Variants in DYNC2H1 observed in about 807,000 individuals in gnomAD.
The protein encoded by DYNC2H1 is dynein cytoplasmic 2 heavy chain 1, also known as cytoplasmic dynein 2 heavy chain 1.
Under a neutral mutation model 570.0 loss-of-function variants are expected in DYNC2H1, and 410 were observed. That is an observed-to-expected ratio of 0.72 (90% CI 0.66 to 0.78). The LOEUF is 0.78. Ranked by LOEUF, DYNC2H1 falls within the 30% of genes least tolerant of loss-of-function variation. The pLI is 0.00. For synonymous variants in DYNC2H1, 1,688 were observed against 1,677.6 expected, an observed-to-expected ratio of 1.01 and a Z score of -0.15; for missense variants, 4,865 against 5,046.4, an observed-to-expected ratio of 0.96 and a Z score of 1.09.
In DYNC2H1 at chr11:103,243,298, TA is replaced by T. The variant is rs1285594674; in HGVS notation, c.9820-394del. Reference sequence around the variant, plus strand: ...ATAGATAGATAGATAGATAGATAGATAGATAGATAAATAGAGAATAATTTGA... The same window carrying T: ...ATAGATAGATAGATAGATAGATAGATGATAGATAAATAGAGAATAATTTGA... On this transcript the variant is annotated intron_variant, in intron 63 of 88. Coordinates refer to ENST00000375735, the MANE Select transcript of DYNC2H1 (RefSeq NM_001377.3). The surrounding 1 kb of genome is among the most constrained non-coding windows in gnomAD (Gnocchi z 4.8). Among the ~76,000 whole-genome samples, 1 of 79,626 alleles carries T rather than the reference TA, an allele frequency of 1.3e-5. No homozygotes were observed. The highest frequency in any genetic ancestry group is 5.1e-5 in the African/African-American group (1 of 19,526). 52.2% of individuals were successfully genotyped at this position (79,626 alleles called of 152,430 possible).
At position 103,155,040 on chromosome 11, in the gene DYNC2H1, A is replaced by G. The variant is rs570637815; in HGVS notation, c.3573+231A>G. Among the ~76,000 whole-genome samples the G allele has an allele frequency of 1.3e-3, 192 of 152,226 alleles. 2 individuals are homozygous for G. The highest frequency in any genetic ancestry group is 4.3e-3 in the African/African-American group (178 of 41,564). On this transcript the variant is annotated intron_variant, in intron 24 of 88. Coordinates refer to ENST00000375735, the MANE Select transcript of DYNC2H1 (RefSeq NM_001377.3). ...AAGTTAAAAAACAGAGTGCTTATAC[A>G]TTCCAGTCCATCATGGGTCCTATCC...
At chr11:103,226,502 TGTGGTGTATCACATTTATC>T (rs1465456013) in intron 59 of DYNC2H1, among the ~76,000 whole-genome samples, 1 of 152,248 alleles carries the variant, frequency 6.6e-6, no homozygotes, top group Non-Finnish European at 1.5e-5. Context: ...ATTCTGTTTA[TGTGGTGTATCACATTTATC>T]GACTTAACGT....
chr11:103,470,621 T>G (rs1945346586), intron 88 of DYNC2H1, among the ~76,000 whole-genome samples: 2 of 152,192 alleles, frequency 1.3e-5, no homozygotes, highest in African/African-American at 4.8e-5. Flanking sequence ...TGTGTCCATG[T>G]GTTCTCATTG....
chr11:103,317,869 C>T lies in DYNC2H1; in HGVS notation c.11725+1249C>T, dbSNP rs1030923083. Among the ~76,000 whole-genome samples the T allele has an allele frequency of 3.4e-5, 5 of 146,210 alleles. No homozygotes were observed. The East Asian group carries it at 6.1e-4, about 18-fold the overall frequency. ...TTGTCTTAATACATTAGTACTACCT[C>T]GATATCTTCTTGTTTATTCATTTAT... On this transcript the variant is annotated intron_variant, in intron 80 of 88. Coordinates refer to ENST00000375735, the MANE Select transcript of DYNC2H1 (RefSeq NM_001377.3).
chr11:103,232,478 A>C (rs1591447139), intron 60 of DYNC2H1, among the ~76,000 whole-genome samples: 1 of 151,940 alleles, frequency 6.6e-6, no homozygotes, highest in East Asian at 1.9e-4. Context: ...ATTAACTTTT[A>C]ATTTTAAATA....
At chr11:103,343,978 G>T (rs1411084022) in intron 82 of DYNC2H1, among the ~76,000 whole-genome samples, 1 of 152,154 alleles carries the variant, frequency 6.6e-6, no homozygotes, top group Non-Finnish European at 1.5e-5. Flanking sequence ...TCAGGGAAAT[G>T]ATAAAGTACA....
At position 103,283,847 on chromosome 11, in the gene DYNC2H1, A is replaced by G. The variant is rs566037832; in HGVS notation, c.10890+762A>G. On this transcript the variant is annotated intron_variant, in intron 73 of 88. Coordinates refer to ENST00000375735, the MANE Select transcript of DYNC2H1 (RefSeq NM_001377.3). The stretch of plus-strand genomic sequence containing the variant: ...TTGGTTGAGTAAAAGAAATGAAAAA[A>G]AGGGGGGGGAATTCTGCTATATATC... Among the ~76,000 whole-genome samples the G allele has an allele frequency of 1.7e-3, 252 of 152,170 alleles. 2 individuals are homozygous for G. The highest frequency in any genetic ancestry group is 5.7e-3 in the African/African-American group (235 of 41,548).
At chr11:103,415,187 A>ATGTT (rs1302704073) in intron 84 of DYNC2H1, among the ~76,000 whole-genome samples, 5 of 152,326 alleles carry the variant, frequency 3.3e-5, no homozygotes, top group East Asian at 1.9e-4. Flanking sequence ...AAAGACTTAA[A>ATGTT]TGTTAGACCT....
chr11:103,267,762 G>A (rs1201483764), intron 70 of DYNC2H1, among the ~76,000 whole-genome samples: 1 of 151,874 alleles, frequency 6.6e-6, no homozygotes, highest in Non-Finnish European at 1.5e-5. Flanking sequence ...TTCAAGGTTT[G>A]ATTTGTTCCT....
chr11:103,428,974 A>C (rs1021031978), intron 84 of DYNC2H1, among the ~76,000 whole-genome samples: 1 of 152,072 alleles, frequency 6.6e-6, no homozygotes, highest in African/African-American at 2.4e-5. Flanking sequence ...TAATTGAAAA[A>C]ATCTGGCTGG....
In DYNC2H1 at chr11:103,193,129, A is replaced by G. The variant is rs370579850; in HGVS notation, c.7708+865A>G. Among the ~76,000 whole-genome samples the G allele has an allele frequency of 1.6e-4, 24 of 152,278 alleles. No homozygotes were observed. The South Asian group carries it at 4.6e-3, about 29-fold the overall frequency. On this transcript the variant is annotated intron_variant, in intron 47 of 88. Coordinates refer to ENST00000375735, the MANE Select transcript of DYNC2H1 (RefSeq NM_001377.3). The stretch of plus-strand genomic sequence containing the variant: ...AAAGATGTTTAGATTGACAGAAAGA[A>G]TTTTCTAGGTGCTCCTGAGTTTTTG...
At chr11:103,303,352 T>A in intron 76 of DYNC2H1, 99 bp downstream of exon 76, 1 of 1,303,488 alleles carries the variant, frequency 7.7e-7, no homozygotes, top group Non-Finnish European at 1.1e-6. Context: ...ATAAGCCAAA[T>A]AATGCCCCCA....
chr11:103,247,589 A>G (rs1264444730), intron 65 of DYNC2H1, among the ~76,000 whole-genome samples: 1 of 152,084 alleles, frequency 6.6e-6, no homozygotes, highest in East Asian at 1.9e-4. Context: ...TGCTAGAGAC[A>G]TCTTAAAATG....
chr11:103,160,228 A>G (rs1171256846), intron 28 of DYNC2H1, among the ~76,000 whole-genome samples: 3 of 152,126 alleles, frequency 2.0e-5, no homozygotes, highest in Non-Finnish European at 4.4e-5. Context: ...GAAGATCAAA[A>G]TGACATAATA....
chr11:103,211,880 T>G lies in DYNC2H1; in HGVS notation c.8631T>G (p.His2877Gln). The G allele has an allele frequency of 1.3e-6, 2 of 1,536,574 alleles. No homozygotes were observed. The highest frequency in any genetic ancestry group is 1.8e-6 in the Non-Finnish European group (2 of 1,138,434). ...CAAGCCGATACATGACCTTTTTACA[T>G]GTGTATTCTGCCATTAGTAGTAGCA... Reference protein sequence around the residue: ...ATPSRYMTFLHVYSAISSSKK... With the variant: ...ATPSRYMTFLQVYSAISSSKK... The change falls in exon 54 of 89, where the codon CAT becomes CAG. Residue 2877 changes from histidine (H) to glutamine (Q), a missense_variant. His to Gln is a conservative substitution (Grantham distance 24, BLOSUM62 0). Coordinates refer to ENST00000375735, the MANE Select transcript of DYNC2H1 (RefSeq NM_001377.3).
At chr11:103,296,634 G>C (rs544395141) in intron 75 of DYNC2H1, among the ~76,000 whole-genome samples, 37 of 152,154 alleles carry the variant, frequency 2.4e-4, no homozygotes, top group African/African-American at 8.4e-4. Context: ...GACTGTGAAT[G>C]AATGTCTTTG....
chr11:103,176,524 C>T, intron 37 of DYNC2H1, 90 bp downstream of exon 37: 1 of 1,070,766 alleles, frequency 9.3e-7, no homozygotes, highest in Non-Finnish European at 1.2e-6. Context: ...TTCAACTTAT[C>T]TTTTATCTTT....
intron 81 of DYNC2H1, among the ~76,000 whole-genome samples, chr11:103,323,415 G>A (rs544202819): frequency 7.2e-4 from 76 of 105,994 alleles, no homozygotes; most frequent in African/African-American, 1.9e-3. Flanking sequence ...GCTTCTACAC[G>A]TTTACAAGGT....
rs1865935321 is a variant in DYNC2H1 at position 103,277,016 on chromosome 11, C to T, written c.10696-3332C>T. ...ACCAGGTATTTTATAAAGTACTTGG[C>T]CTTACAATTCTTATTTTAACATATG... On this transcript the variant is annotated intron_variant, in intron 70 of 88. Coordinates refer to ENST00000375735, the MANE Select transcript of DYNC2H1 (RefSeq NM_001377.3). This position sits in a 1 kb window ranked among gnomAD's most constrained non-coding sequence, Gnocchi z 4.3. Among the ~76,000 whole-genome samples the T allele has an allele frequency of 6.6e-6, 1 of 152,004 alleles. No individual in the cohort carries two copies. The highest frequency in any genetic ancestry group is 1.5e-5 in the Non-Finnish European group (1 of 67,938).
Sources: gnomAD v4.1 joint callset for allele counts (sites outside exome capture counted in the v4.1 genomes callset) on GRCh38, gnomAD v4.1.1 for gene constraint, Gnocchi (gnomAD v3.1) non-coding constraint, MANE v1.5 for transcripts, NCBI Gene and HGNC (gene_info 2026-07-23, HGNC 2026-07-21) for gene names.